Variants in RP1L1 observed in about 807,000 individuals in gnomAD.
RP1L1 encodes retinitis pigmentosa 1-like 1 protein.
In RP1L1, 27 loss-of-function variants were observed where a neutral mutation model predicts 15.7. The ratio of observed to expected loss-of-function variants is 1.72; its 90% CI spans 1.27 to 2.38. The LOEUF is 2.38. RP1L1 is among the 30% of genes most tolerant of loss of function. The pLI, the probability that RP1L1 is intolerant of heterozygous loss-of-function variation, is 0.00. For missense variants in RP1L1, 4,798 were observed against 3,075.9 expected (o/e 1.56, Z -13.24); for synonymous variants, 1,813 against 1,276.7 (o/e 1.42, Z -8.96).
In RP1L1 at chr8:10,607,098, G is replaced by A; in HGVS notation, c.7000C>T (p.Pro2334Ser). ...RSPDAKSTGTPHAERKATRMY... is the reference protein window; with the variant it reads ...RSPDAKSTGTSHAERKATRMY... ...CTGGTGGCCTTCCTCTCTGCATGAG[G>A]GGTCCCCGTGGACTTGGCATCAGGG... Residue 2334 changes from proline (P) to serine (S), a missense_variant, in exon 4 of 4, where the codon CCT (proline) becomes TCT (serine). By Grantham distance (74) the Pro-to-Ser change is moderately conservative. Transcript: ENST00000382483. 1 of 1,614,178 alleles carries A rather than the reference G, an allele frequency of 6.2e-7. No individual in the cohort carries two copies.
At chr8:10,625,568 A>T (rs1321089824) in intron 1 of RP1L1, among the ~76,000 whole-genome samples, 1 of 152,040 alleles carries the variant, frequency 6.6e-6, no homozygotes, top group African/African-American at 2.4e-5. Flanking sequence ...CCATAGGCGG[A>T]GGGCTTCTGC....
intron 1 of RP1L1, among the ~76,000 whole-genome samples, chr8:10,636,507 C>T (rs78936175): frequency 0.033 from 4,956 of 152,292 alleles, 114 homozygotes; most frequent in South Asian, 0.064. Context: ...GTTGAGGCCC[C>T]GCCTTCTTCC....
At chr8:10,651,100 G>A (rs919926970) in intron 1 of RP1L1, among the ~76,000 whole-genome samples, 2 of 152,206 alleles carry the variant, frequency 1.3e-5, no homozygotes, top group African/African-American at 4.8e-5. Context: ...AAATCAGGAA[G>A]CAGGCTCAGA....
intron 1 of RP1L1, among the ~76,000 whole-genome samples, chr8:10,646,969 G>C (rs1470668735): frequency 6.6e-6 from 1 of 152,192 alleles, no homozygotes; most frequent in African/African-American, 2.4e-5. Flanking sequence ...CGCTCCAGTG[G>C]AAGAAAGCCT....
intron 2 of RP1L1, chr8:10,621,224 G>C (rs899273095): frequency 1.3e-5 from 2 of 155,028 alleles, no homozygotes; most frequent in African/African-American, 4.8e-5. Flanking sequence ...CGATTGTGGG[G>C]AGAAGGTGAA....
intron 2 of RP1L1, chr8:10,621,726 A>G (rs531718140): frequency 4.1e-5 from 21 of 507,086 alleles, no homozygotes; most frequent in South Asian, 2.2e-4. Context: ...GTCAACCTCC[A>G]TCCTCCATTC....
chr8:10,609,380 T>G lies in RP1L1; in HGVS notation c.4718A>C (p.Lys1573Thr). ...GCCCTGGAGCTTCTGGAGCTCTCTCTTGGTGCTGTCCTGGAGGCGTTGGGC... is the reference window on the plus strand; with the variant it reads ...GCCCTGGAGCTTCTGGAGCTCTCTCGTGGTGCTGTCCTGGAGGCGTTGGGC... ...DVAQRLQDST[K>T]RELQKLQGRA... The change falls in exon 4 of 4, where the codon AAG (lysine) becomes ACG (threonine). Residue 1573 changes from lysine to threonine, a missense_variant. Coordinates refer to ENST00000382483, the MANE Select transcript of RP1L1 (RefSeq NM_178857.6). The G allele has an allele frequency of 6.2e-7, 1 of 1,612,514 alleles. No homozygotes were observed. The highest frequency in any genetic ancestry group is 1.1e-5 in the South Asian group (1 of 91,066).
rs1186501720 is a variant in RP1L1, at chr8:10,610,575, G to A, written c.3523C>T (p.Leu1175Phe). 1.2e-6 allele frequency: 2 copies of A among 1,613,622 alleles called. No individual in the cohort carries two copies. The highest frequency in any genetic ancestry group is 1.6e-4 in the Middle Eastern group (1 of 6,062). The change falls in exon 4 of 4, where the codon CTC becomes TTC. Residue 1175 changes from leucine (L) to phenylalanine (F), a missense_variant. Transcript: ENST00000382483. ...EDQLDSGLWELTWSQALPDLG... is the reference protein window; with the variant it reads ...EDQLDSGLWEFTWSQALPDLG... ...TCTGGCAGAGCCTGGCTCCATGTGA[G>A]CTCCCAGAGGCCTGAGTCCAGCTGG...
At chr8:10,622,027 G>C (rs1416333548) in intron 2 of RP1L1, among the ~76,000 whole-genome samples, 3 of 152,098 alleles carry the variant, frequency 2.0e-5, no homozygotes. Context: ...ACAACAATAA[G>C]AGTACACAAG....
chr8:10,619,959 T>C (rs1195655801), intron 2 of RP1L1, among the ~76,000 whole-genome samples: 4 of 40,712 alleles, frequency 9.8e-5, no homozygotes, highest in Non-Finnish European at 1.8e-4. Flanking sequence ...AGACTCCATC[T>C]CAAAAAAAAA....
At chr8:10,621,689 A>C in intron 2 of RP1L1, 1 of 492,670 alleles carries the variant, frequency 2.0e-6, no homozygotes, top group Non-Finnish European at 4.1e-6. Context: ...ACAGGACTGA[A>C]TCTTGAGGAG....
At chr8:10,617,530 T>TTTTCTGTTTCTG (rs367833660) in intron 2 of RP1L1, among the ~76,000 whole-genome samples, 8 of 149,314 alleles carry the variant, frequency 5.4e-5, no homozygotes, top group African/African-American at 2.0e-4. Flanking sequence ...GTTTTTGTTT[T>TTTTCTGTTTCTG]TTTCTGTTTC....
chr8:10,616,326 G>C (rs144702553), intron 3 of RP1L1, 120 bp downstream of exon 3: 1 of 1,295,026 alleles, frequency 7.7e-7, no homozygotes, highest in East Asian at 2.3e-5. Context: ...AAATGACTGG[G>C]ATACCCAAGA....
At chr8:10,624,180 T>G (rs1798120678) in intron 1 of RP1L1, among the ~76,000 whole-genome samples, 1 of 152,218 alleles carries the variant, frequency 6.6e-6, no homozygotes, top group Non-Finnish European at 1.5e-5. Flanking sequence ...CCACACATTC[T>G]GTCACTCATC....
At chr8:10,619,378 C>G (rs1237527290) in intron 2 of RP1L1, among the ~76,000 whole-genome samples, 1 of 152,218 alleles carries the variant, frequency 6.6e-6, no homozygotes, top group Non-Finnish European at 1.5e-5. Flanking sequence ...GCCACTGAGA[C>G]ATCAAAAGAT....
chr8:10,635,769 C>A (rs777489017), intron 1 of RP1L1, among the ~76,000 whole-genome samples: 1 of 152,204 alleles, frequency 6.6e-6, no homozygotes, highest in Non-Finnish European at 1.5e-5. Flanking sequence ...ACCATTCTTG[C>A]AACTTTGCAG....
At chr8:10,619,852 C>T (rs573984728) in intron 2 of RP1L1, among the ~76,000 whole-genome samples, 28 of 150,668 alleles carry the variant, frequency 1.9e-4, no homozygotes, top group African/African-American at 5.4e-4. Context: ...CCCAGCTACT[C>T]GGGGAGGCTG....
intron 1 of RP1L1, among the ~76,000 whole-genome samples, chr8:10,640,682 T>C (rs993468683): frequency 6.6e-6 from 1 of 151,224 alleles, no homozygotes; most frequent in African/African-American, 2.4e-5. Flanking sequence ...TTATTATTAA[T>C]ATTTTATTAT....
intron 1 of RP1L1, among the ~76,000 whole-genome samples, chr8:10,645,948 C>G (rs932521102): frequency 6.6e-6 from 1 of 152,214 alleles, no homozygotes; most frequent in African/African-American, 2.4e-5. Context: ...CAGAGAAAGC[C>G]TCATCCCTTC....
Sources: gnomAD v4.1 joint callset for allele counts (sites outside exome capture counted in the v4.1 genomes callset) on GRCh38, gnomAD v4.1.1 for gene constraint, MANE v1.5 for transcripts, NCBI Gene and HGNC (gene_info 2026-07-23, HGNC 2026-07-21) for gene names.